POLA2: variants seen among roughly 807,000 people sequenced by gnomAD.
The protein encoded by POLA2 is DNA polymerase alpha subunit B.
POLA2 carries 47 observed loss-of-function variants against 82.8 expected under a neutral mutation model. The observed-to-expected ratio is 0.57, with a 90% CI of 0.45 to 0.72. The LOEUF (loss-of-function observed/expected upper bound fraction) is 0.72, where lower values mean the gene tolerates loss of function less well. Ranked by LOEUF, POLA2 falls within the 30% of genes least tolerant of loss-of-function variation. The probability of loss-of-function intolerance (pLI) is 0.00; values close to 1 mark genes in which losing one functional copy is unlikely to be tolerated. For missense variants in POLA2, 634 were observed against 728.1 expected, an observed-to-expected ratio of 0.87 and a Z score of 1.49; for synonymous variants, 287 against 286.8, an observed-to-expected ratio of 1.00 and a Z score of -0.01.
At position 65,294,154 on chromosome 11, in the gene POLA2, T is replaced by C; in HGVS notation, c.1246T>C (p.Ser416Pro). 6.2e-7 allele frequency: 1 copy of C among 1,611,302 alleles called. No homozygotes were observed. The highest frequency in any genetic ancestry group is 8.5e-7 in the Non-Finnish European group (1 of 1,179,398). ...CTGTTTGTTCTTTTGCCATACTAGC[T>C]CCGGCTCCCACCTTGTCTTTGTCCC... ...LRTIIEGTRS[S>P]GSHLVFVPSL... is the part of the protein sequence containing the mutation. The change falls in exon 14 of 18, where the codon TCC (serine) becomes CCC (proline). Residue 416 changes from serine to proline, a missense_variant and splice_region_variant. By Grantham distance (74) the Ser-to-Pro change is moderately conservative. Coordinates refer to ENST00000265465, the MANE Select transcript of POLA2 (RefSeq NM_002689.4).
chr11:65,299,556 A>T (rs1412236249), downstream of POLA2, among the ~76,000 whole-genome samples: 1 of 152,196 alleles, frequency 6.6e-6, no homozygotes, highest in Non-Finnish European at 1.5e-5. Context: ...CATGGCGCGG[A>T]TCCTCCATCC....
intron 4 of POLA2, among the ~76,000 whole-genome samples, chr11:65,274,375 A>AC (rs1949554387): frequency 2.0e-5 from 3 of 148,826 alleles, no homozygotes; most frequent in South Asian, 4.2e-4. Flanking sequence ...CCGTCTCGGA[A>AC]AAAAAAAAAG....
chr11:65,269,197 ATG>A (rs1199356640), intron 4 of POLA2, among the ~76,000 whole-genome samples: 2 of 152,178 alleles, frequency 1.3e-5, no homozygotes, highest in African/African-American at 4.8e-5. Flanking sequence ...AGCAACAACT[ATG>A]TGGCCAGGCG....
intron 5 of POLA2, among the ~76,000 whole-genome samples, chr11:65,278,520 G>A (rs909519786): frequency 6.6e-6 from 1 of 152,174 alleles, no homozygotes; most frequent in Non-Finnish European, 1.5e-5. Context: ...AAAAATGTTT[G>A]GTATTCCTCA....
intron 2 of POLA2, 26 bp downstream of exon 2, chr11:65,266,732 A>G (rs1244993051): frequency 1.9e-6 from 3 of 1,612,988 alleles, no homozygotes; most frequent in Non-Finnish European, 2.5e-6. Context: ...AAGCAAACTA[A>G]TAATGTGATT....
intron 6 of POLA2, 111 bp downstream of exon 6, chr11:65,279,034 T>C (rs1949612437): frequency 3.4e-6 from 3 of 886,210 alleles, no homozygotes; most frequent in Non-Finnish European, 5.1e-6. Context: ...TGCCTTTCAA[T>C]GTATGAGTTG....
intron 16 of POLA2, 63 bp from the exon 17 acceptor site, chr11:65,295,801 A>G: frequency 6.4e-7 from 1 of 1,570,504 alleles, no homozygotes; most frequent in Non-Finnish European, 8.7e-7. Flanking sequence ...ACCTAGGGGG[A>G]CTCTGTCTGA....
rs567161093 is a variant in POLA2 at position 65,267,371 on chromosome 11, A to G, written c.205-106A>G. On this transcript the variant is annotated intron_variant, in intron 2 of 17. Transcript: ENST00000265465. Reference sequence around the variant, plus strand: ...ATCTTAATTCTTTGAGGAATGTTAGATCTTTGATTATATTTTGAATACCTT... The same window carrying G: ...ATCTTAATTCTTTGAGGAATGTTAGGTCTTTGATTATATTTTGAATACCTT... 7.8e-5 allele frequency: 49 copies of G among 630,278 alleles called. No individual in the cohort carries two copies. In the African/African-American group the frequency reaches 8.6e-4, roughly 11 times the overall value. The allele number at this position is 630,278 out of a possible 1,614,324, so 39.0% of individuals were successfully genotyped here. A position where few individuals can be genotyped will look rare whatever the true frequency, so the allele number is the denominator to read the frequency against.
intron 7 of POLA2, chr11:65,280,735 A>G: frequency 2.1e-6 from 1 of 468,390 alleles, no homozygotes; most frequent in Non-Finnish European, 3.9e-6. Context: ...GTTCCCCTAC[A>G]CTAGAGATGC....
At chr11:65,301,646 C>A (rs1949860033), downstream of POLA2, among the ~76,000 whole-genome samples, 1 of 151,964 alleles carries the variant, frequency 6.6e-6, no homozygotes, top group African/African-American at 2.4e-5. Flanking sequence ...GGAGAGGACT[C>A]TGGCCAGCAC....
intron 15 of POLA2, 106 bp from the exon 16 acceptor site, chr11:65,295,434 C>A: frequency 2.1e-6 from 2 of 963,736 alleles, no homozygotes; most frequent in Non-Finnish European, 1.7e-6. Flanking sequence ...GTTGCTGTGC[C>A]TTGGCCATTT....
intron 15 of POLA2, chr11:65,294,907 T>TA: frequency 2.8e-6 from 1 of 356,208 alleles, no homozygotes; most frequent in Non-Finnish European, 5.1e-6. Flanking sequence ...TCTTTGCACT[T>TA]AAAGGCATCA....
intron 1 of POLA2, 26 bp downstream of exon 1, chr11:65,262,397 G>T: frequency 6.3e-7 from 1 of 1,588,758 alleles, no homozygotes; most frequent in East Asian, 2.3e-5. Flanking sequence ...CTCCCGCCCT[G>T]CAGCCGTGCT....
intron 13 of POLA2, among the ~76,000 whole-genome samples, chr11:65,292,652 A>T (rs1317561861): frequency 6.6e-6 from 1 of 152,188 alleles, no homozygotes; most frequent in African/African-American, 2.4e-5. Flanking sequence ...CTCAGTGTCA[A>T]AGGGACAATA....
chr11:65,302,726 ATTT>A (rs538549217), downstream of POLA2, among the ~76,000 whole-genome samples: 2 of 148,208 alleles, frequency 1.3e-5, no homozygotes, highest in African/African-American at 2.5e-5. Flanking sequence ...ACCTGTTTGA[ATTT>A]TTTTTTTTAT....
chr11:65,297,355 AG>A lies in POLA2; in HGVS notation c.*87del. The A allele has an allele frequency of 6.9e-7, 1 of 1,443,628 alleles. No homozygotes were observed. The highest frequency in any genetic ancestry group is 9.2e-7 in the Non-Finnish European group (1 of 1,092,326). The allele number at this position is 1,443,628 out of a possible 1,614,324, so 89.4% of individuals were successfully genotyped here. A position where few individuals can be genotyped will look rare whatever the true frequency, so the allele number is the denominator to read the frequency against. On this transcript the variant is annotated 3_prime_UTR_variant, in exon 18 of 18. Coordinates refer to ENST00000265465, the MANE Select transcript of POLA2 (RefSeq NM_002689.4). ...GACATAGCCCTGTGACAAGGTGAAC[AG>A]TTGGGTGGGAAAGGAGAGAGGAGCC...
At chr11:65,300,571 TTTTG>T (rs150662982), downstream of POLA2, among the ~76,000 whole-genome samples, 14,633 of 150,540 alleles carry the variant, frequency 0.097, 796 homozygotes, top group South Asian at 0.17. Flanking sequence ...TTCTGTCAGG[TTTTG>T]TTTGTTTGTT....
downstream of POLA2, among the ~76,000 whole-genome samples, chr11:65,299,081 C>G (rs1489029777): frequency 6.6e-6 from 1 of 152,242 alleles, no homozygotes; most frequent in Non-Finnish European, 1.5e-5. Context: ...CTGACCGTCC[C>G]TAGACCCCAC....
At chr11:65,281,827 CATTT>C (rs1949644866) in intron 9 of POLA2, 95 bp downstream of exon 9, 8 of 992,362 alleles carry the variant, frequency 8.1e-6, no homozygotes, top group Non-Finnish European at 9.6e-6. Flanking sequence ...TTTAGGAGCC[CATTT>C]ATTTGTTAGT....
Sources: gnomAD v4.1 joint callset for allele counts (sites outside exome capture counted in the v4.1 genomes callset) on GRCh38, gnomAD v4.1.1 for gene constraint, MANE v1.5 for transcripts, NCBI Gene and HGNC (gene_info 2026-07-23, HGNC 2026-07-21) for gene names.